UGT1A9: variants seen among roughly 807,000 people sequenced by gnomAD.
The protein encoded by UGT1A9 is UDP glucuronosyltransferase family 1 member A9, also known as UDP-glucuronosyltransferase 1A9.
In UGT1A9, 35 loss-of-function variants were observed where a neutral mutation model predicts 45.0. The observed-to-expected ratio is 0.78, with a 90% CI of 0.59 to 1.03. The LOEUF (loss-of-function observed/expected upper bound fraction) is 1.03. Among genes scored for constraint, UGT1A9 ranks in the 50% least tolerant of loss-of-function variants. The probability of loss-of-function intolerance (pLI) is 0.00; values close to 1 mark genes in which losing one functional copy is unlikely to be tolerated. For synonymous variants in UGT1A9, 278 were observed against 250.6 expected (o/e 1.11, Z -1.03); for missense variants, 687 against 666.6 (o/e 1.03, Z -0.34).
At chr2:233,718,787 G>T (rs780688906) in intron 1 of UGT1A9, 1 of 1,613,100 alleles carries the variant, frequency 6.2e-7, no homozygotes, top group South Asian at 1.1e-5. Flanking sequence ...CACAGCGTGG[G>T]GTGGACAGTC....
chr2:233,718,647 A>G, intron 1 of UGT1A9: 1 of 1,497,740 alleles, frequency 6.7e-7, no homozygotes, highest in Non-Finnish European at 8.9e-7. Flanking sequence ...TTGGGCCCAT[A>G]ACGAAAGGCA....
intron 1 of UGT1A9, among the ~76,000 whole-genome samples, chr2:233,723,530 T>TC (rs1471912682): frequency 8.7e-6 from 1 of 114,776 alleles, no homozygotes; most frequent in African/African-American, 3.5e-5. Context: ...TTTTTTTTTT[T>TC]TTTTTTAATT....
chr2:233,772,707 C>G lies in UGT1A9; in HGVS notation c.*148C>G, dbSNP rs1471091659. 6.8e-7 allele frequency: 1 copy of G among 1,472,874 alleles called. No homozygotes were observed. Among genetic ancestry groups the G allele is most frequent in the African/African-American group, 1.4e-5 (1 of 70,352 alleles). The allele number at this position is 1,472,874 out of a possible 1,614,324, so 91.2% of individuals were successfully genotyped here. The stretch of plus-strand genomic sequence containing the variant: ...GCCCCAGAGTGCTTTAAAAAATTCT[C>G]TTAAATAAAAATAATAGACTCGCTA... On this transcript the variant is annotated 3_prime_UTR_variant, in exon 5 of 5. Coordinates refer to ENST00000354728, the MANE Select transcript of UGT1A9 (RefSeq NM_021027.3).
At chr2:233,681,530 CAAAA>C (rs747693860) in intron 1 of UGT1A9, among the ~76,000 whole-genome samples, 16 of 77,720 alleles carry the variant, frequency 2.1e-4, no homozygotes, top group African/African-American at 2.4e-4. Context: ...GACTCCATCT[CAAAA>C]AAAAAAAAAA....
chr2:233,748,192 G>A, intron 1 of UGT1A9: 1 of 1,554,576 alleles, frequency 6.4e-7, no homozygotes, highest in South Asian at 1.2e-5. Flanking sequence ...TTTTATTTCT[G>A]CTTGTCGTAA....
chr2:233,718,792 A>C (rs766693959), intron 1 of UGT1A9: 2 of 1,613,154 alleles, frequency 1.2e-6, no homozygotes, highest in Non-Finnish European at 8.5e-7. Context: ...CGTGGGGTGG[A>C]CAGTCAGCTG....
intron 1 of UGT1A9, among the ~76,000 whole-genome samples, chr2:233,725,490 G>T (rs542689319): frequency 1.3e-5 from 2 of 151,958 alleles, no homozygotes; most frequent in Non-Finnish European, 2.9e-5. Context: ...CCAGCAAAAA[G>T]AAACCACTGA....
intron 1 of UGT1A9, chr2:233,691,741 C>G (rs1019333955): frequency 3.1e-6 from 2 of 651,030 alleles, no homozygotes; most frequent in Non-Finnish European, 3.8e-6. Flanking sequence ...GAAGCAGATA[C>G]CAGGCTTTCT....
intron 1 of UGT1A9, chr2:233,747,072 T>G: frequency 9.8e-7 from 1 of 1,024,480 alleles, no homozygotes; most frequent in South Asian, 1.7e-5. Flanking sequence ...TCGGTAATAA[T>G]TAACTAGGAG....
chr2:233,756,708 CT>C (rs1473385409), intron 1 of UGT1A9, among the ~76,000 whole-genome samples: 11 of 152,108 alleles, frequency 7.2e-5, no homozygotes, highest in Non-Finnish European at 1.6e-4. Context: ...TTTGGGGGGA[CT>C]TTTTTTGAGA....
intron 1 of UGT1A9, among the ~76,000 whole-genome samples, chr2:233,714,790 A>G (rs2076412745): frequency 6.6e-6 from 1 of 152,236 alleles, no homozygotes; most frequent in Non-Finnish European, 1.5e-5. Flanking sequence ...GCCACATTTC[A>G]AGTGCTCAAT....
chr2:233,743,960 G>T, intron 1 of UGT1A9: 4 of 1,334,214 alleles, frequency 3.0e-6, no homozygotes, highest in Admixed American at 2.0e-5. Context: ...CACAGCGAGC[G>T]GCAAGGCTGC....
At chr2:233,685,017 G>A (rs1280301846) in intron 1 of UGT1A9, among the ~76,000 whole-genome samples, 1 of 152,158 alleles carries the variant, frequency 6.6e-6, no homozygotes, top group East Asian at 1.9e-4. Context: ...GCACGTATGT[G>A]TCTGTATGTG....
intron 1 of UGT1A9, among the ~76,000 whole-genome samples, chr2:233,731,608 A>C (rs2078181634): frequency 6.6e-6 from 1 of 152,230 alleles, no homozygotes. Context: ...TGCAAAGGAC[A>C]TGAACTCATC....
chr2:233,725,061 C>T (rs1212157566), intron 1 of UGT1A9, among the ~76,000 whole-genome samples: 1 of 147,216 alleles, frequency 6.8e-6, no homozygotes, highest in Admixed American at 6.8e-5. Flanking sequence ...GCGGCGCGCG[C>T]CTGCAATCGC....
chr2:233,737,911 GGC>G (rs1690629306), intron 1 of UGT1A9, among the ~76,000 whole-genome samples: 4 of 152,098 alleles, frequency 2.6e-5, no homozygotes, highest in African/African-American at 4.8e-5. Flanking sequence ...GTAAAGAACA[GGC>G]TAGTGTATTT....
intron 1 of UGT1A9, among the ~76,000 whole-genome samples, chr2:233,703,404 T>G (rs2075736913): frequency 6.6e-6 from 1 of 152,112 alleles, no homozygotes; most frequent in Non-Finnish European, 1.5e-5. Flanking sequence ...ACAATTTTGG[T>G]TTTGTTTATT....
intron 1 of UGT1A9, among the ~76,000 whole-genome samples, chr2:233,731,931 T>A (rs963793811): frequency 5.3e-5 from 8 of 152,216 alleles, no homozygotes; most frequent in Non-Finnish European, 1.0e-4. Context: ...TTTCTCCACA[T>A]CCTCTCCAAC....
chr2:233,714,710 CT>C (rs1032824553), intron 1 of UGT1A9, among the ~76,000 whole-genome samples: 9 of 152,108 alleles, frequency 5.9e-5, no homozygotes, highest in African/African-American at 1.4e-4. Context: ...TTTAACGTAG[CT>C]TTTTTTGTTG....
Sources: gnomAD v4.1 joint callset for allele counts (sites outside exome capture counted in the v4.1 genomes callset) on GRCh38, gnomAD v4.1.1 for gene constraint, MANE v1.5 for transcripts, NCBI Gene and HGNC (gene_info 2026-07-23, HGNC 2026-07-21) for gene names.